FAM78B: variants seen among roughly 807,000 people sequenced by gnomAD.
The protein encoded by FAM78B is family with sequence similarity 78 member B.
Under a neutral mutation model 20.0 loss-of-function variants are expected in FAM78B, and 10 were observed. The ratio of observed to expected loss-of-function variants is 0.50; its 90% CI spans 0.31 to 0.85. The LOEUF (loss-of-function observed/expected upper bound fraction) is 0.85. Ranked by LOEUF, FAM78B falls within the 40% of genes least tolerant of loss-of-function variation. The pLI is 0.05. For missense variants in FAM78B, 283 were observed against 345.0 expected, an observed-to-expected ratio of 0.82 and a Z score of 1.42; for synonymous variants, 135 against 132.8, an observed-to-expected ratio of 1.02 and a Z score of -0.12.
intron 1 of FAM78B, among the ~76,000 whole-genome samples, chr1:166,162,526 G>A (rs1224234592): frequency 2.6e-5 from 4 of 152,198 alleles, no homozygotes; most frequent in Non-Finnish European, 5.9e-5. Flanking sequence ...CCTGGCACAA[G>A]AGCCCCATTC....
intron 1 of FAM78B, chr1:166,087,097 A>C (rs1652865240): frequency 6.7e-6 from 1 of 149,080 alleles, no homozygotes. Flanking sequence ...ATGGAGTTTC[A>C]CTCTTTCACC....
At chr1:166,162,045 C>T (rs1033985746) in intron 1 of FAM78B, among the ~76,000 whole-genome samples, 2 of 152,066 alleles carry the variant, frequency 1.3e-5, no homozygotes, top group Admixed American at 6.6e-5. Context: ...ACAGGAACAG[C>T]GGAAAAATAG....
intron 1 of FAM78B, among the ~76,000 whole-genome samples, chr1:166,105,816 G>C (rs530978652): frequency 2.5e-3 from 383 of 151,648 alleles, no homozygotes; most frequent in Non-Finnish European, 3.9e-3. Flanking sequence ...CAGGGATCTA[G>C]AACTAGAAAT....
rs116083849 is a variant in FAM78B at position 166,123,233 on chromosome 1, C to G, written c.263+42753G>C. Among the ~76,000 whole-genome samples, 1,025 of 152,344 alleles carry G rather than the reference C, an allele frequency of 6.7e-3. 13 individuals carry two copies. Among genetic ancestry groups the G allele is most frequent in the African/African-American group, 0.024 (981 of 41,580 alleles). On this transcript the variant is annotated intron_variant, in intron 1 of 1. Coordinates refer to ENST00000354422, the MANE Select transcript of FAM78B (RefSeq NM_001017961.5). ...TTTCAAAGCCAGGCCAGGCCTCCCC[C>G]ACCCTGGACCACCTGTAGCTGGTTC...
chr1:166,089,618 A>G (rs909269583), intron 1 of FAM78B, among the ~76,000 whole-genome samples: 5 of 152,050 alleles, frequency 3.3e-5, no homozygotes, highest in Admixed American at 6.5e-5. Context: ...GGCTCCTAGG[A>G]AGGGGAAGAT....
At chr1:166,110,693 C>T (rs573032153) in intron 1 of FAM78B, among the ~76,000 whole-genome samples, 8 of 152,290 alleles carry the variant, frequency 5.3e-5, no homozygotes, top group Non-Finnish European at 7.4e-5. Flanking sequence ...CCTGAGGAGT[C>T]TCTGCTTTTA....
chr1:166,123,696 T>G (rs1321438861), intron 1 of FAM78B, among the ~76,000 whole-genome samples: 1 of 152,116 alleles, frequency 6.6e-6, no homozygotes, highest in Non-Finnish European at 1.5e-5. Flanking sequence ...AAAAGAACCA[T>G]AAGAACTGGG....
chr1:166,109,838 A>ATATATATATATATATATG (rs1469856162), intron 1 of FAM78B, among the ~76,000 whole-genome samples: 1 of 21,188 alleles, frequency 4.7e-5, no homozygotes, highest in Non-Finnish European at 9.2e-5. Context: ...ATATGTATAT[A>ATATATATATATATATATG]TGTATATATA....
intron 1 of FAM78B, among the ~76,000 whole-genome samples, chr1:166,157,587 G>A (rs920974294): frequency 9.2e-5 from 14 of 152,240 alleles, no homozygotes; most frequent in African/African-American, 1.7e-4. Context: ...AACAGTGCAG[G>A]AATTCTTGGG....
At chr1:166,146,497 T>C (rs781350139) in intron 1 of FAM78B, among the ~76,000 whole-genome samples, 23 of 152,186 alleles carry the variant, frequency 1.5e-4, no homozygotes, top group Admixed American at 5.2e-4. Context: ...AAACTTGCTC[T>C]TGTTTACCAG....
At chr1:166,144,564 T>C (rs1655392472) in intron 1 of FAM78B, among the ~76,000 whole-genome samples, 1 of 152,114 alleles carries the variant, frequency 6.6e-6, no homozygotes, top group South Asian at 2.1e-4. Flanking sequence ...GTCCTCATGA[T>C]GGAGCAGGAA....
intron 1 of FAM78B, among the ~76,000 whole-genome samples, chr1:166,102,219 T>TG (rs1187948227): frequency 1.0e-3 from 157 of 152,088 alleles, no homozygotes; most frequent in African/African-American, 3.7e-3. Flanking sequence ...GCACTAAACA[T>TG]GAAAGGAACA....
chr1:166,081,343 T>G (rs977447681), intron 1 of FAM78B: 4 of 152,164 alleles, frequency 2.6e-5, no homozygotes, highest in African/African-American at 9.7e-5. Context: ...TCTAAGTAAG[T>G]TGCCCCAGCT....
At position 166,114,800 on chromosome 1, in the gene FAM78B, G is replaced by A. The variant is rs149908609; in HGVS notation, c.264-44037C>T. 6.0e-3 allele frequency among the ~76,000 whole-genome samples: 903 copies of A among 151,676 alleles called. 5 individuals are homozygous for A. Among genetic ancestry groups the A allele is most frequent in the African/African-American group, 0.021 (858 of 41,062 alleles). On this transcript the variant is annotated intron_variant, in intron 1 of 1. Transcript: ENST00000354422. ...AGACAACAATATAGCATATTTTTTT[G>A]TTGTTGTTCTCTTTTTCCTTCCCAA...
chr1:166,123,748 A>G (rs1654543956), intron 1 of FAM78B, among the ~76,000 whole-genome samples: 1 of 152,188 alleles, frequency 6.6e-6, no homozygotes, highest in South Asian at 2.1e-4. Context: ...GGCCTTCTCC[A>G]TGGGGTGAGG....
At chr1:166,074,512 A>G (rs945955087) in intron 1 of FAM78B, among the ~76,000 whole-genome samples, 4 of 152,248 alleles carry the variant, frequency 2.6e-5, no homozygotes, top group African/African-American at 9.6e-5. Context: ...TGTCTTGCAC[A>G]TGGCTGGCAC....
chr1:166,127,883 G>A (rs773853542), intron 1 of FAM78B, among the ~76,000 whole-genome samples: 1 of 152,126 alleles, frequency 6.6e-6, no homozygotes, highest in Non-Finnish European at 1.5e-5. Flanking sequence ...CTGGTCCATC[G>A]GGTGGCAAAT....
At chr1:166,142,342 G>A (rs1655309697) in intron 1 of FAM78B, among the ~76,000 whole-genome samples, 1 of 152,154 alleles carries the variant, frequency 6.6e-6, no homozygotes, top group African/African-American at 2.4e-5. Context: ...AGTCTTCTGG[G>A]TGACAGCTAC....
At chr1:166,140,965 C>G (rs924455614) in intron 1 of FAM78B, among the ~76,000 whole-genome samples, 2 of 152,332 alleles carry the variant, frequency 1.3e-5, no homozygotes, top group Admixed American at 1.3e-4. Flanking sequence ...AGCCAGCAAA[C>G]AGCAGAGCTT....
Sources: gnomAD v4.1 joint callset for allele counts (sites outside exome capture counted in the v4.1 genomes callset) on GRCh38, gnomAD v4.1.1 for gene constraint, MANE v1.5 for transcripts, NCBI Gene and HGNC (gene_info 2026-07-23, HGNC 2026-07-21) for gene names.